Variants in RAB5A observed in about 807,000 individuals in gnomAD.
RAB5A encodes ras-related protein Rab-5A.
In RAB5A, 8 loss-of-function variants were observed where a neutral mutation model predicts 25.7. The ratio of observed to expected loss-of-function variants is 0.31; its 90% confidence interval spans 0.18 to 0.56. The LOEUF (loss-of-function observed/expected upper bound fraction) is 0.56. Ranked by LOEUF, RAB5A falls within the 20% of genes least tolerant of loss-of-function variation. The probability of loss-of-function intolerance (pLI) is 0.91; values close to 1 mark genes in which losing one functional copy is unlikely to be tolerated. For missense variants in RAB5A, 192 were observed against 259.7 expected, an observed-to-expected ratio of 0.74 and a Z score of 1.79; for synonymous variants, 98 against 89.8, an observed-to-expected ratio of 1.09 and a Z score of -0.52.
intron 2 of RAB5A, among the ~76,000 whole-genome samples, chr3:19,963,785 C>T (rs548659486): frequency 3.6e-4 from 55 of 152,086 alleles, no homozygotes; most frequent in African/African-American, 1.1e-3. Flanking sequence ...GATGGTACTA[C>T]GTGTGCATGT....
intron 2 of RAB5A, among the ~76,000 whole-genome samples, chr3:19,962,281 A>G (rs143882455): frequency 3.3e-5 from 5 of 152,288 alleles, no homozygotes; most frequent in Non-Finnish European, 7.4e-5. Flanking sequence ...AGAAAATACA[A>G]TCTACAGGCT....
At chr3:19,982,537 A>G (rs1696949022) in intron 5 of RAB5A, among the ~76,000 whole-genome samples, 1 of 152,130 alleles carries the variant, frequency 6.6e-6, no homozygotes, top group African/African-American at 2.4e-5. Flanking sequence ...GTTACTCTGC[A>G]AGGTGTAAGT....
At chr3:19,957,885 A>C (rs947134160) in intron 2 of RAB5A, among the ~76,000 whole-genome samples, 1 of 152,184 alleles carries the variant, frequency 6.6e-6, no homozygotes, top group African/African-American at 2.4e-5. Flanking sequence ...ACAATACCTT[A>C]ATAAAGCTGG....
intron 2 of RAB5A, among the ~76,000 whole-genome samples, chr3:19,974,847 G>A (rs536423583): frequency 6.6e-6 from 1 of 152,306 alleles, no homozygotes; most frequent in Admixed American, 6.5e-5. Flanking sequence ...CAGCAGTATA[G>A]ATGGTACTTT....
chr3:19,955,592 A>G (rs1696488028), intron 2 of RAB5A, among the ~76,000 whole-genome samples: 1 of 152,126 alleles, frequency 6.6e-6, no homozygotes, highest in African/African-American at 2.4e-5. Context: ...GGTGTTTGTC[A>G]GATTTTTAAA....
intron 2 of RAB5A, among the ~76,000 whole-genome samples, chr3:19,956,716 C>G (rs2125180683): frequency 6.6e-6 from 1 of 152,178 alleles, no homozygotes; most frequent in East Asian, 1.9e-4. Context: ...GAGACTGTAT[C>G]CAGATTGAAG....
Position 19,975,723 on chromosome 3 carries a change from G to T in RAB5A, c.286G>T (p.Ala96Ser). Residue 96 changes from alanine to serine, a missense_variant, in exon 3 of 6, where the codon GCC (alanine) becomes TCC (serine). Transcript: ENST00000273047. The part of the protein sequence containing the change: ...APMYYRGAQA[A>S]IVVYDITNEE... ...AATGTACTACAGAGGAGCACAAGCAGCCATAGTTGTATATGATATCACAAA... is the reference window on the plus strand; with the variant it reads ...AATGTACTACAGAGGAGCACAAGCATCCATAGTTGTATATGATATCACAAA... 1 of 1,613,420 alleles carries T rather than the reference G, an allele frequency of 6.2e-7. No homozygotes were observed.
intron 2 of RAB5A, among the ~76,000 whole-genome samples, chr3:19,962,379 C>G (rs1696599131): frequency 1.3e-5 from 2 of 152,060 alleles, no homozygotes; most frequent in African/African-American, 2.4e-5. Context: ...ACCAGCCTGA[C>G]TAACATAGTG....
At chr3:19,964,432 A>G (rs1009898882) in intron 2 of RAB5A, among the ~76,000 whole-genome samples, 1 of 151,998 alleles carries the variant, frequency 6.6e-6, no homozygotes, top group African/African-American at 2.4e-5. Flanking sequence ...TCTTCTTCCC[A>G]ATTCAGTTTT....
chr3:19,971,159 T>C (rs979656061), intron 2 of RAB5A, among the ~76,000 whole-genome samples: 1 of 138,214 alleles, frequency 7.2e-6, no homozygotes, highest in Admixed American at 7.7e-5. Context: ...ATCGCGCCAT[T>C]GCACTCCAGC....
At chr3:19,971,012 C>T in intron 2 of RAB5A, among the ~76,000 whole-genome samples, 1 of 152,030 alleles carries the variant, frequency 6.6e-6, no homozygotes, top group East Asian at 1.9e-4. Context: ...GTCTGGCCAA[C>T]ATGGTGAAAC....
At chr3:19,961,696 A>C (rs13070135) in intron 2 of RAB5A, among the ~76,000 whole-genome samples, 26,060 of 152,088 alleles carry the variant, frequency 0.17, 2,155 homozygotes, top group South Asian at 0.21. Context: ...TAAGGTTTAC[A>C]GTGAAAAATC....
At chr3:19,966,509 G>A (rs544587530) in intron 2 of RAB5A, among the ~76,000 whole-genome samples, 1 of 152,326 alleles carries the variant, frequency 6.6e-6, no homozygotes, top group African/African-American at 2.4e-5. Flanking sequence ...GGTGTACAAA[G>A]AGTGTTTTAA....
chr3:19,979,485 C>T (rs955380652), intron 5 of RAB5A, among the ~76,000 whole-genome samples: 1 of 151,468 alleles, frequency 6.6e-6, no homozygotes, highest in Non-Finnish European at 1.5e-5. Context: ...CGGGGTTTCA[C>T]CATGTTAGCC....
chr3:19,969,314 G>T (rs557417441), intron 2 of RAB5A, among the ~76,000 whole-genome samples: 2 of 152,080 alleles, frequency 1.3e-5, no homozygotes, highest in Non-Finnish European at 2.9e-5. Context: ...AAAGTGCTGG[G>T]ATTACAGGCG....
chr3:19,951,101 A>T, intron 2 of RAB5A, 40 bp downstream of exon 2: 3 of 1,588,722 alleles, frequency 1.9e-6, no homozygotes, highest in Non-Finnish European at 2.6e-6. Context: ...TAATCGAATC[A>T]TACATTGACA....
chr3:19,975,573 T>C (rs1360909446), intron 2 of RAB5A, 28 bp from the exon 3 acceptor site: 1 of 1,599,656 alleles, frequency 6.3e-7, no homozygotes, highest in East Asian at 2.2e-5. Context: ...AGAAAAATGA[T>C]TGACTTATTG....
chr3:19,983,727 T>C lies in RAB5A; in HGVS notation c.552T>C (p.Asn184=). The C allele has an allele frequency of 6.2e-7, 1 of 1,610,664 alleles. No individual in the cohort carries two copies. Among genetic ancestry groups the C allele is most frequent in the Non-Finnish European group, 8.5e-7 (1 of 1,177,892 alleles). ...TTTCAGCTAAAAAATTGCCAAAGAA[T>C]GAACCACAAAATCCAGGAGCAAATT... is the stretch of plus-strand genomic sequence containing the variant. ...FMAIAKKLPK[N]EPQNPGANSA... Residue 184 remains asparagine (N), a synonymous_variant, in exon 6 of 6, where the codon AAT becomes AAC. Transcript: ENST00000273047.
intron 4 of RAB5A, among the ~76,000 whole-genome samples, chr3:19,977,700 T>G (rs2125131233): frequency 6.6e-6 from 1 of 152,284 alleles, no homozygotes; most frequent in East Asian, 1.9e-4. Flanking sequence ...GGAACCTCAG[T>G]TGTTTCTTTG....
Sources: allele counts gnomAD v4.1 joint callset (sites outside exome capture counted in the v4.1 genomes callset), GRCh38; gene constraint gnomAD v4.1.1; transcripts MANE v1.5; gene names NCBI Gene and HGNC (gene_info 2026-07-23, HGNC 2026-07-21).